MSR1: variants seen among roughly 807,000 people sequenced by gnomAD.
MSR1 encodes the protein macrophage scavenger receptor types I and II.
MSR1 carries 53 observed loss-of-function variants against 47.2 expected under a neutral mutation model. The ratio of observed to expected loss-of-function variants is 1.12; its 90% confidence interval spans 0.90 to 1.41. The LOEUF (loss-of-function observed/expected upper bound fraction) is 1.41, where lower values mean the gene tolerates loss of function less well. Among genes scored for constraint, MSR1 ranks in the 40% most tolerant of loss-of-function variants. The pLI is 0.00. For synonymous variants in MSR1, 239 were observed against 185.6 expected (o/e 1.29, Z -2.34); for missense variants, 786 against 546.9 (o/e 1.44, Z -4.36).
chr8:16,127,734 A>C (rs1015297687), intron 8 of MSR1, among the ~76,000 whole-genome samples: 1 of 152,158 alleles, frequency 6.6e-6, no homozygotes, highest in African/African-American at 2.4e-5. Context: ...TTTACTTTGA[A>C]CACCTGGATC....
At chr8:16,175,033 G>GT (rs1801599838) in intron 3 of MSR1, among the ~76,000 whole-genome samples, 154 bp downstream of exon 3, 1 of 151,910 alleles carries the variant, frequency 6.6e-6, no homozygotes, top group African/African-American at 2.4e-5. Flanking sequence ...TGCGGAATCT[G>GT]TTTTTTAACT....
intron 4 of MSR1, among the ~76,000 whole-genome samples, chr8:16,166,656 C>T (rs34827083): frequency 0.021 from 3,219 of 152,138 alleles, 50 homozygotes; most frequent in Middle Eastern, 0.048. Flanking sequence ...ATTTTGTAGT[C>T]GTACAGTCCT....
intron 1 of MSR1, among the ~76,000 whole-genome samples, chr8:16,182,368 C>T (rs184325171): frequency 2.6e-5 from 4 of 152,124 alleles, no homozygotes; most frequent in South Asian, 2.1e-4. Flanking sequence ...ACTTAAGCTA[C>T]ACTGAATGTA....
intron 9 of MSR1, among the ~76,000 whole-genome samples, chr8:16,119,076 T>C (rs974507045): frequency 6.6e-6 from 1 of 152,130 alleles, no homozygotes; most frequent in Non-Finnish European, 1.5e-5. Context: ...AGTTAAAAAC[T>C]ACGGCCAGGG....
chr8:16,164,114 C>A lies in MSR1; in HGVS notation c.768G>T (p.Leu256=). 6.2e-7 allele frequency: 1 copy of A among 1,610,912 alleles called. No individual in the cohort carries two copies. Among genetic ancestry groups the A allele is most frequent in the East Asian group, 2.2e-5 (1 of 44,670 alleles). ...AGGTCTGAGAATGTTCCCAATCTTTCAGTCTGAGATCATTAGTGATGTTAT... is the reference window on the plus strand; with the variant it reads ...AGGTCTGAGAATGTTCCCAATCTTTAAGTCTGAGATCATTAGTGATGTTAT... ...VLNNITNDLR[L]KDWEHSQTLR... The change falls in exon 5 of 10, where the codon CTG becomes CTT. Residue 256 remains leucine (L), a synonymous_variant. Coordinates refer to ENST00000262101, the MANE Select transcript of MSR1 (RefSeq NM_138715.3).
At chr8:16,116,075 C>T (rs193053883) in intron 9 of MSR1, among the ~76,000 whole-genome samples, 38 of 152,240 alleles carry the variant, frequency 2.5e-4, no homozygotes, top group Admixed American at 2.0e-3. Context: ...AATGTAATAG[C>T]GATCTCACTC....
chr8:16,116,007 C>T (rs1799869687), intron 9 of MSR1, among the ~76,000 whole-genome samples: 1 of 151,878 alleles, frequency 6.6e-6, no homozygotes, highest in Non-Finnish European at 1.5e-5. Context: ...AAATCTAAGT[C>T]ATATTAGTGG....
rs1563172186 is a variant in MSR1, at chr8:16,184,236, AC to A, written c.-4-6245del. Among the ~76,000 whole-genome samples the A allele has an allele frequency of 3.3e-5, 5 of 152,038 alleles. No homozygotes were observed. The South Asian group carries it at 1.0e-3, about 32-fold the overall frequency. The stretch of plus-strand genomic sequence containing the variant: ...TATTATTATACTTTCTTTTCACATA[AC>A]CTTTTCAGCCTAGATTCAGGTAACT... On this transcript the variant is annotated intron_variant, in intron 1 of 9. Coordinates refer to ENST00000262101, the MANE Select transcript of MSR1 (RefSeq NM_138715.3).
At position 16,164,639 on chromosome 8, in the gene MSR1, TTGATAGA is replaced by T. The variant is rs1360079364; in HGVS notation, c.631-395_631-389del. Among the ~76,000 whole-genome samples the T allele has an allele frequency of 1.9e-4, 29 of 152,130 alleles. No homozygotes were observed. In the East Asian group the frequency reaches 4.3e-3, roughly 22 times the overall value. On this transcript the variant is annotated intron_variant, in intron 4 of 9. Coordinates refer to ENST00000262101, the MANE Select transcript of MSR1 (RefSeq NM_138715.3). ...GGCAACATAGTCAAATTTCGTGAAT[TTGATAGA>T]TTTATATTGGAAATTGTTTTATAGT...
rs112211864 is a variant in MSR1, at chr8:16,125,759, T to A, written c.1034-5153A>T. Reference sequence around the variant, plus strand: ...TCTGCTCATAACATTGTATTTCTTTTAAAAATTTTTAAAAGTTTTTCTTTA... The same window carrying A: ...TCTGCTCATAACATTGTATTTCTTTAAAAAATTTTTAAAAGTTTTTCTTTA... On this transcript the variant is annotated intron_variant, in intron 8 of 9. Transcript: ENST00000262101. 9.9e-3 allele frequency among the ~76,000 whole-genome samples: 1,510 copies of A among 152,206 alleles called. 17 individuals are homozygous for A. Among genetic ancestry groups the A allele is most frequent in the Middle Eastern group, 0.017 (5 of 294 alleles).
At position 16,175,004 on chromosome 8, in the gene MSR1, A is replaced by AT. The variant is rs545043077; in HGVS notation, c.217+182dup. Among the ~76,000 whole-genome samples, 17 of 152,084 alleles carry AT rather than the reference A, an allele frequency of 1.1e-4. No homozygotes were observed. In the East Asian group the frequency reaches 3.1e-3, roughly 28 times the overall value. On this transcript the variant is annotated intron_variant, in intron 3 of 9. Transcript: ENST00000262101. ...TTTTGTTTTTTCTAATTTAAAAACT[A>AT]TTTTTTTCTACTTAACTTTGCGGAA...
intron 8 of MSR1, among the ~76,000 whole-genome samples, chr8:16,130,686 G>A (rs528294651): frequency 8.2e-4 from 124 of 151,950 alleles, no homozygotes; most frequent in African/African-American, 2.8e-3. Context: ...CTTTGTGTCC[G>A]TATCTACTCA....
chr8:16,164,092 T>C lies in MSR1; in HGVS notation c.790A>G (p.Thr264Ala), dbSNP rs764881158. The C allele has an allele frequency of 6.2e-7, 1 of 1,610,506 alleles. No individual in the cohort carries two copies. The highest frequency in any genetic ancestry group is 8.5e-7 in the Non-Finnish European group (1 of 1,177,644). Residue 264 changes from threonine (T) to alanine (A), a missense_variant, in exon 5 of 10, where the codon ACC becomes GCC. Physicochemically the swap from Thr to Ala is moderately conservative, Grantham distance 58. Transcript: ENST00000262101. ...TGAATTAAAGTGATATTTCTCAAGG[T>C]CTGAGAATGTTCCCAATCTTTCAGT... ...LRLKDWEHSQ[T>A]LRNITLIQGP...
intron 5 of MSR1, among the ~76,000 whole-genome samples, chr8:16,161,416 T>G (rs1250221373): frequency 6.6e-6 from 1 of 151,948 alleles, no homozygotes; most frequent in South Asian, 2.1e-4. Context: ...AAATCCAAAG[T>G]GGAGGTATCT....
At chr8:16,123,763 A>C (rs1563140778) in intron 8 of MSR1, among the ~76,000 whole-genome samples, 1 of 152,162 alleles carries the variant, frequency 6.6e-6, no homozygotes, top group Non-Finnish European at 1.5e-5. Flanking sequence ...TTAAACCAAA[A>C]CCAAAATAAT....
chr8:16,185,596 A>G lies in MSR1; in HGVS notation c.-5+7002T>C, dbSNP rs557962421. ...TTTCTAGACCGCTCTCATCTATAAG[A>G]CCCATATCTGACTGCACAAAAACTC... is the stretch of plus-strand genomic sequence containing the variant. On this transcript the variant is annotated intron_variant, in intron 1 of 9. Transcript: ENST00000262101. Among the ~76,000 whole-genome samples, 5 of 152,112 alleles carry G rather than the reference A, an allele frequency of 3.3e-5. No individual in the cohort carries two copies. In the South Asian group the frequency reaches 1.0e-3, roughly 32 times the overall value.
intron 4 of MSR1, among the ~76,000 whole-genome samples, chr8:16,164,469 C>A (rs945260327): frequency 2.6e-5 from 4 of 151,984 alleles, no homozygotes; most frequent in Admixed American, 6.5e-5. Context: ...ACAATCACAA[C>A]CCCCTTCAAA....
chr8:16,161,278 G>T (rs1024373445), intron 5 of MSR1, among the ~76,000 whole-genome samples: 1 of 151,904 alleles, frequency 6.6e-6, no homozygotes, highest in African/African-American at 2.4e-5. Flanking sequence ...GCAGTGAGCA[G>T]GTAGTTGGAA....
In MSR1 at chr8:16,120,615, TTAAAAAA is replaced by T. The variant is rs753222838; in HGVS notation, c.1034-16_1034-10del. 2,607 of 1,328,446 alleles carry T rather than the reference TTAAAAAA, an allele frequency of 2.0e-3. No individual in the cohort carries two copies. The highest frequency in any genetic ancestry group is 0.013 in the East Asian group (429 of 33,448). The allele number at this position is 1,328,446 out of a possible 1,614,324, so 82.3% of individuals were successfully genotyped here. A position where few individuals can be genotyped will look rare whatever the true frequency, so the allele number is the denominator to read the frequency against. On this transcript the variant is annotated splice_polypyrimidine_tract_variant and intron_variant, in intron 8 of 9. Coordinates refer to ENST00000262101, the MANE Select transcript of MSR1 (RefSeq NM_138715.3). ...AACTTTCGTAAATGGAGCTGTAAAG[TTAAAAAA>T]AAAAAAAAAAAAAAAAAAAGGCAAG...
Sources: allele counts gnomAD v4.1 joint callset (sites outside exome capture counted in the v4.1 genomes callset), GRCh38; gene constraint gnomAD v4.1.1; transcripts MANE v1.5; gene names NCBI Gene and HGNC (gene_info 2026-07-23, HGNC 2026-07-21).